Variants in RIMS1 observed in about 807,000 individuals in gnomAD.
RIMS1 encodes the protein regulating synaptic membrane exocytosis 1, also known as regulating synaptic membrane exocytosis protein 1.
A neutral mutation model predicts 214.1 loss-of-function variants in RIMS1; 83 were observed. The observed-to-expected ratio is 0.39, with a 90% CI of 0.32 to 0.47. The LOEUF (loss-of-function observed/expected upper bound fraction) is 0.47. RIMS1 is among the 20% of genes least tolerant of loss of function. RIMS1 has a pLI of 0.99. For synonymous variants in RIMS1, 793 were observed against 786.8 expected, an observed-to-expected ratio of 1.01 and a Z score of -0.13; for missense variants, 2,050 against 2,161.8, an observed-to-expected ratio of 0.95 and a Z score of 1.03.
chr6:72,264,950 G>C, intron 19 of RIMS1, 25 bp from the exon 20 acceptor site: 1 of 1,486,820 alleles, frequency 6.7e-7, no homozygotes, highest in Non-Finnish European at 9.2e-7. Context: ...TCTGTTTCCT[G>C]CGTGTTTGTG....
intron 2 of RIMS1, among the ~76,000 whole-genome samples, chr6:72,001,204 G>A (rs1805103397): frequency 6.6e-6 from 1 of 151,900 alleles, no homozygotes. Flanking sequence ...ACATTTCCAG[G>A]CTTTCTGTCA....
At chr6:71,988,650 C>T (rs1383584678) in intron 2 of RIMS1, among the ~76,000 whole-genome samples, 3 of 152,044 alleles carry the variant, frequency 2.0e-5, no homozygotes, top group Admixed American at 6.6e-5. Flanking sequence ...TTCTTAGGAG[C>T]TCCTGAAAAG....
At chr6:71,929,216 A>T (rs1029119427) in intron 1 of RIMS1, among the ~76,000 whole-genome samples, 1 of 152,082 alleles carries the variant, frequency 6.6e-6, no homozygotes, top group African/African-American at 2.4e-5. Context: ...ATTTCAGTTC[A>T]TGCTGTGTTC....
At chr6:72,026,688 C>T (rs1040773456) in intron 2 of RIMS1, among the ~76,000 whole-genome samples, 1 of 152,056 alleles carries the variant, frequency 6.6e-6, no homozygotes, top group Non-Finnish European at 1.5e-5. Context: ...ATCTAATCAA[C>T]AGATAGAAAG....
In RIMS1 at chr6:72,099,975, G is replaced by A; in HGVS notation, c.460G>A (p.Glu154Lys). 6.2e-7 allele frequency: 1 copy of A among 1,605,866 alleles called. No individual in the cohort carries two copies. The highest frequency in any genetic ancestry group is 2.2e-5 in the East Asian group (1 of 44,650). ...GGRVSLRSNN[E>K]DKVVMWVCNL... ...TGCTTCCTTGGATGCTTTCCCAAAG[G>A]AGGACAAAGTGGTTAGAATCCATAC... Residue 154 changes from glutamate (E) to lysine (K), a missense_variant and splice_region_variant, in exon 4 of 34, where the codon GAG becomes AAG. Physicochemically the swap from Glu to Lys is moderately conservative, Grantham distance 56. Around this residue, in one of 6 missense-constraint regions of RIMS1, gnomAD observed 882 missense variants for 828.9 expected, o/e 1.06. Coordinates refer to ENST00000521978, the MANE Select transcript of RIMS1 (RefSeq NM_014989.7).
intron 15 of RIMS1, among the ~76,000 whole-genome samples, chr6:72,252,173 G>A (rs6929501): frequency 0.7 from 106,958 of 152,090 alleles, 38,461 homozygotes; most frequent in East Asian, 0.98. Flanking sequence ...ACAGCTGAAA[G>A]AAGCCTCATT....
In RIMS1 at chr6:72,099,990, A is replaced by G; in HGVS notation, c.471+4A>G. On this transcript the variant is annotated splice_donor_region_variant and intron_variant, in intron 4 of 33. Coordinates refer to ENST00000521978, the MANE Select transcript of RIMS1 (RefSeq NM_014989.7). ...TTTCCCAAAGGAGGACAAAGTGGTT[A>G]GAATCCATACTTTCTTTTCTATCAT... 2 of 1,600,924 alleles carry G rather than the reference A, an allele frequency of 1.2e-6. No homozygotes were observed. Among genetic ancestry groups the G allele is most frequent in the Non-Finnish European group, 1.7e-6 (2 of 1,168,912 alleles).
At chr6:72,271,286 A>AAAATATATATAT (rs1417580438) in intron 22 of RIMS1, among the ~76,000 whole-genome samples, 122 of 44,228 alleles carry the variant, frequency 2.8e-3, no homozygotes, top group Non-Finnish European at 3.6e-3. Flanking sequence ...AAAAAAAAAA[A>AAAATATATATAT]ATATATATAT....
At chr6:72,181,350 T>A (rs2048371889) in intron 5 of RIMS1, among the ~76,000 whole-genome samples, 1 of 152,156 alleles carries the variant, frequency 6.6e-6, no homozygotes, top group Admixed American at 6.6e-5. Context: ...ACCAGAGATA[T>A]CTCAGGGAAC....
intron 2 of RIMS1, among the ~76,000 whole-genome samples, chr6:71,990,227 T>C (rs990966907): frequency 1.3e-5 from 2 of 152,178 alleles, no homozygotes; most frequent in Non-Finnish European, 2.9e-5. Flanking sequence ...TTCCATAAGC[T>C]CCAGAAATCT....
chr6:71,914,984 T>G (rs1777906978), intron 1 of RIMS1, among the ~76,000 whole-genome samples: 1 of 152,152 alleles, frequency 6.6e-6, no homozygotes, highest in Admixed American at 6.6e-5. Flanking sequence ...AATATTTGAA[T>G]GAGTTTAAGT....
chr6:72,091,746 A>C (rs1467756554), intron 2 of RIMS1, among the ~76,000 whole-genome samples: 1 of 152,294 alleles, frequency 6.6e-6, no homozygotes, highest in East Asian at 1.9e-4. Context: ...TTCAATATCA[A>C]TGCTTTTCTT....
chr6:72,223,951 A>T (rs1057274254), intron 6 of RIMS1, among the ~76,000 whole-genome samples: 5 of 151,276 alleles, frequency 3.3e-5, no homozygotes, highest in African/African-American at 2.4e-5. Flanking sequence ...CCGTCTCAAA[A>T]AAAAAAAAAA....
chr6:72,019,091 T>G (rs1196991802), intron 2 of RIMS1, among the ~76,000 whole-genome samples: 2 of 152,194 alleles, frequency 1.3e-5, no homozygotes, highest in East Asian at 3.8e-4. Flanking sequence ...TTATGGCTCT[T>G]ACTATATTTT....
At chr6:71,992,353 T>C (rs1465142677) in intron 2 of RIMS1, among the ~76,000 whole-genome samples, 2 of 152,120 alleles carry the variant, frequency 1.3e-5, no homozygotes, top group Non-Finnish European at 2.9e-5. Flanking sequence ...AGAATATAGT[T>C]TAATCTTTTT....
At chr6:72,072,434 C>T (rs953644943) in intron 2 of RIMS1, among the ~76,000 whole-genome samples, 1 of 151,996 alleles carries the variant, frequency 6.6e-6, no homozygotes. Flanking sequence ...GTGAAGACCT[C>T]CAGAAGGAAG....
chr6:72,261,983 T>C, intron 19 of RIMS1: 1 of 984,214 alleles, frequency 1.0e-6, no homozygotes, highest in Non-Finnish European at 1.2e-6. Flanking sequence ...AAAATAATGG[T>C]TTATTTACTA....
At chr6:71,908,743 T>C (rs1409794712) in intron 1 of RIMS1, among the ~76,000 whole-genome samples, 1 of 152,182 alleles carries the variant, frequency 6.6e-6, no homozygotes, top group Non-Finnish European at 1.5e-5. Flanking sequence ...TGTTACAATA[T>C]GTTTTGTTCA....
intron 4 of RIMS1, among the ~76,000 whole-genome samples, chr6:72,101,284 G>C (rs1176490358): frequency 6.6e-6 from 1 of 151,928 alleles, no homozygotes; most frequent in Non-Finnish European, 1.5e-5. Flanking sequence ...ACTAAAAATA[G>C]AGTGGAAAGA....
Sources: gnomAD v4.1 joint callset for allele counts (sites outside exome capture counted in the v4.1 genomes callset) on GRCh38, gnomAD v4.1.1 for gene constraint, gnomAD v4.1.1 regional missense constraint, MANE v1.5 for transcripts, NCBI Gene and HGNC (gene_info 2026-07-23, HGNC 2026-07-21) for gene names.